The following ACTR3C variants were observed in gnomAD, a reference collection of about 807,000 sequenced individuals.
ACTR3C encodes the protein actin related protein 3C.
Under a neutral mutation model 26.3 loss-of-function variants are expected in ACTR3C, and 18 were observed. The observed-to-expected ratio is 0.68, with a 90% CI of 0.47 to 1.01. ACTR3C has a LOEUF of 1.01. ACTR3C is among the 50% of genes least tolerant of loss of function. ACTR3C has a pLI of 0.00. For synonymous variants in ACTR3C, 55 were observed against 94.5 expected, an observed-to-expected ratio of 0.58 and a Z score of 2.42; for missense variants, 184 against 250.7, an observed-to-expected ratio of 0.73 and a Z score of 1.80.
chr7:150,251,931 T>C (rs750052894), intron 6 of ACTR3C, among the ~76,000 whole-genome samples: 1 of 152,208 alleles, frequency 6.6e-6, no homozygotes, highest in Non-Finnish European at 1.5e-5. Context: ...TCTATGACCA[T>C]AGGCTCTAAG....
the ACTR3C span, among the ~76,000 whole-genome samples, chr7:149,912,767 C>G: frequency 6.6e-6 from 1 of 152,068 alleles, no homozygotes; most frequent in African/African-American, 2.4e-5. Flanking sequence ...TCCCAAAGTG[C>G]TGGGTTACAG....
At chr7:150,093,729 C>G in the ACTR3C span, among the ~76,000 whole-genome samples, 454 of 150,824 alleles carry the variant, frequency 3.0e-3, 45 homozygotes, top group African/African-American at 0.011. Context: ...GAGACAAAAA[C>G]TCAGCCCCCT....
At chr7:149,936,086 G>C in the ACTR3C span, among the ~76,000 whole-genome samples, 2 of 152,116 alleles carry the variant, frequency 1.3e-5, no homozygotes, top group Admixed American at 1.3e-4. Flanking sequence ...ACTGTATTAG[G>C]ATAGTCATTT....
chr7:150,209,292 GAGAGAGAGAGACAGAAAC>G, the ACTR3C span, among the ~76,000 whole-genome samples: 114 of 138,342 alleles, frequency 8.2e-4, 1 homozygote, highest in African/African-American at 3.9e-3. Context: ...CAGAAACAGA[GAGAGAGAGAGACAGAAAC>G]AGAGAGAGAG....
chr7:149,929,302 C>CCTGT, the ACTR3C span, among the ~76,000 whole-genome samples: 1 of 151,592 alleles, frequency 6.6e-6, no homozygotes, highest in African/African-American at 2.4e-5. Context: ...GTGGCTCATG[C>CCTGT]CTGTAATCCC....
chr7:150,292,744 G>A (rs1246012317), intron 3 of ACTR3C, among the ~76,000 whole-genome samples: 21 of 152,156 alleles, frequency 1.4e-4, no homozygotes, highest in South Asian at 2.1e-4. Flanking sequence ...TGATCCGCCC[G>A]CCTTGGCCTC....
chr7:150,234,202 C>T, the ACTR3C span, among the ~76,000 whole-genome samples: 2 of 152,050 alleles, frequency 1.3e-5, no homozygotes, highest in African/African-American at 4.8e-5. Context: ...ATTCTATACT[C>T]TTATGATTAC....
the ACTR3C span, among the ~76,000 whole-genome samples, chr7:150,178,280 CTTTT>C: frequency 4.8e-5 from 6 of 125,058 alleles, no homozygotes; most frequent in African/African-American, 6.4e-5. Context: ...AACAGGAATA[CTTTT>C]TTTTTTTTTT....
At chr7:149,953,270 C>T in the ACTR3C span, among the ~76,000 whole-genome samples, 3,746 of 140,268 alleles carry the variant, frequency 0.027, 245 homozygotes, top group African/African-American at 0.11. Context: ...AGTTGGACTA[C>T]AGATGCCTAG....
chr7:150,154,162 A>G, the ACTR3C span, among the ~76,000 whole-genome samples: 2 of 151,130 alleles, frequency 1.3e-5, no homozygotes, highest in East Asian at 3.9e-4. Flanking sequence ...AGCATGGCAC[A>G]TGTATACATA....
chr7:150,186,593 A>T, the ACTR3C span, among the ~76,000 whole-genome samples: 11 of 152,138 alleles, frequency 7.2e-5, no homozygotes, highest in Non-Finnish European at 1.3e-4. Context: ...CCAGCAGCCC[A>T]CAGTGAAATT....
the ACTR3C span, among the ~76,000 whole-genome samples, chr7:150,135,796 A>AAACG: frequency 6.6e-6 from 1 of 151,820 alleles, no homozygotes; most frequent in African/African-American, 2.4e-5. Flanking sequence ...AAAGGAAACG[A>AAACG]AACGAAAGAA....
At chr7:149,960,084 C>G in the ACTR3C span, among the ~76,000 whole-genome samples, 1 of 151,794 alleles carries the variant, frequency 6.6e-6, no homozygotes, top group Non-Finnish European at 1.5e-5. Flanking sequence ...TTTTCCAGAA[C>G]TCTACCTAAA....
the ACTR3C span, among the ~76,000 whole-genome samples, chr7:150,157,848 C>G: frequency 2.6e-5 from 4 of 152,062 alleles, 1 homozygote; most frequent in African/African-American, 7.2e-5. Flanking sequence ...ATGCTAGGCA[C>G]AGCGCTGGGT....
Position 150,286,371 on chromosome 7 carries a change from G to A in ACTR3C, c.467C>T (p.Pro156Leu), listed in dbSNP as rs754155408. The A allele has an allele frequency of 8.7e-6, 14 of 1,613,858 alleles. No individual in the cohort carries two copies. The highest frequency in any genetic ancestry group is 1.6e-4 in the Middle Eastern group (1 of 6,062). ...ACAAAAAAAGAAACACCTTACCTCC[G>A]GGTGAAAGAATATTTCAGGTCCCAG... ...RFLGPEIFFH[P>L]EFANPDSMES... Residue 156 changes from proline (P) to leucine (L), a missense_variant, in exon 5 of 8, where the codon CCG (proline) becomes CTG (leucine). Pro to Leu is a moderately conservative substitution (Grantham distance 98). Transcript: ENST00000683684.
chr7:149,890,592 C>T, the ACTR3C span: 1 of 152,188 alleles, frequency 6.6e-6, no homozygotes, highest in African/African-American at 2.4e-5. Flanking sequence ...ATCCATTCCT[C>T]CTTCTATTGT....
chr7:150,100,754 A>T, the ACTR3C span, among the ~76,000 whole-genome samples: 1 of 151,112 alleles, frequency 6.6e-6, no homozygotes, highest in Admixed American at 6.6e-5. Context: ...CCCAGGCTGG[A>T]GTGCAGTGGT....
the ACTR3C span, among the ~76,000 whole-genome samples, chr7:150,165,050 G>A: frequency 6.6e-6 from 1 of 152,146 alleles, no homozygotes; most frequent in African/African-American, 2.4e-5. Flanking sequence ...TGCAGAAATG[G>A]CATTTAAATT....
At chr7:150,134,442 T>C in the ACTR3C span, among the ~76,000 whole-genome samples, 4 of 152,204 alleles carry the variant, frequency 2.6e-5, no homozygotes, top group Non-Finnish European at 5.9e-5. Flanking sequence ...GGATGCGTGT[T>C]TTCTCTTAGA....
Sources: allele counts gnomAD v4.1 joint callset (sites outside exome capture counted in the v4.1 genomes callset), GRCh38; gene constraint gnomAD v4.1.1; transcripts MANE v1.5; gene names NCBI Gene and HGNC (gene_info 2026-07-23, HGNC 2026-07-21).